The following LRRTM4 variants were observed in gnomAD, a reference collection of about 807,000 sequenced individuals.
The protein encoded by LRRTM4 is leucine rich repeat transmembrane neuronal 4.
A neutral mutation model predicts 47.6 loss-of-function variants in LRRTM4; 25 were observed. The observed-to-expected ratio is 0.53, with a 90% confidence interval of 0.38 to 0.73. The LOEUF is 0.73. LRRTM4 is among the 30% of genes least tolerant of loss of function. The pLI is 0.00. For synonymous variants in LRRTM4, 311 were observed against 269.5 expected (o/e 1.15, Z -1.51); for missense variants, 638 against 713.4 (o/e 0.89, Z 1.20).
intron 3 of LRRTM4, among the ~76,000 whole-genome samples, chr2:76,796,175 G>C (rs1237628174): frequency 6.9e-6 from 1 of 143,898 alleles, no homozygotes; most frequent in Middle Eastern, 3.7e-3. Flanking sequence ...TACGCCCACA[G>C]AGCCTCGCTG....
chr2:76,786,795 A>T (rs1430799142), intron 3 of LRRTM4, among the ~76,000 whole-genome samples: 1 of 152,168 alleles, frequency 6.6e-6, no homozygotes, highest in Non-Finnish European at 1.5e-5. Context: ...ACAAACCAAA[A>T]ATAGTTCATT....
intron 3 of LRRTM4, among the ~76,000 whole-genome samples, chr2:77,186,241 T>C (rs1673502467): frequency 6.6e-6 from 1 of 152,202 alleles, no homozygotes; most frequent in African/African-American, 2.4e-5. Flanking sequence ...TGCTCTTTGA[T>C]GCCATTTATT....
chr2:77,469,900 T>C (rs922670341), intron 3 of LRRTM4, among the ~76,000 whole-genome samples: 1 of 152,186 alleles, frequency 6.6e-6, no homozygotes, highest in African/African-American at 2.4e-5. Flanking sequence ...GTCTCCATTT[T>C]TAAGTGATTA....
intron 3 of LRRTM4, among the ~76,000 whole-genome samples, chr2:77,499,774 A>T (rs1174921470): frequency 6.6e-6 from 1 of 151,864 alleles, no homozygotes; most frequent in Admixed American, 6.6e-5. Flanking sequence ...ATCTTTATTT[A>T]TATATGTTGC....
intron 3 of LRRTM4, among the ~76,000 whole-genome samples, chr2:77,072,234 A>G (rs1680178809): frequency 6.6e-6 from 1 of 152,176 alleles, no homozygotes; most frequent in Non-Finnish European, 1.5e-5. Flanking sequence ...GAAAAATTAA[A>G]TCAACTAATT....
At chr2:76,955,587 A>C (rs1358498197) in intron 3 of LRRTM4, among the ~76,000 whole-genome samples, 1 of 151,860 alleles carries the variant, frequency 6.6e-6, no homozygotes, top group Non-Finnish European at 1.5e-5. Context: ...TGTTCTTCTT[A>C]AATTCATATG....
chr2:77,451,313 T>G (rs531266293), intron 3 of LRRTM4, among the ~76,000 whole-genome samples: 1 of 152,332 alleles, frequency 6.6e-6, no homozygotes, highest in East Asian at 1.9e-4. Context: ...CCACATCACC[T>G]AATCCTGCTC....
chr2:77,083,996 G>A (rs555464270), intron 3 of LRRTM4, among the ~76,000 whole-genome samples: 2 of 150,962 alleles, frequency 1.3e-5, no homozygotes, highest in African/African-American at 4.9e-5. Context: ...TAGTAGAGAC[G>A]GGGTTTCACC....
chr2:77,207,639 T>C lies in LRRTM4; in HGVS notation c.1551+310679A>G, dbSNP rs141229682. Among the ~76,000 whole-genome samples, 772 of 151,798 alleles carry C rather than the reference T, an allele frequency of 5.1e-3. 8 individuals carry two copies. The highest frequency in any genetic ancestry group is 0.018 in the African/African-American group (747 of 41,468). ...CTTGATGTCTCGTTATGCTACCACC[T>C]TTAAATGCCTATAACAATCACTGAC... On this transcript the variant is annotated intron_variant, in intron 3 of 3. Transcript: ENST00000409884.
chr2:76,857,881 T>G (rs2103996893), intron 3 of LRRTM4, among the ~76,000 whole-genome samples: 1 of 152,272 alleles, frequency 6.6e-6, no homozygotes, highest in African/African-American at 2.4e-5. Flanking sequence ...AAATACTTAC[T>G]TTTAAGAATA....
chr2:77,093,477 C>G (rs1215595908), intron 3 of LRRTM4, among the ~76,000 whole-genome samples: 8 of 151,240 alleles, frequency 5.3e-5, no homozygotes, highest in Admixed American at 4.6e-4. Context: ...AATATCACCC[C>G]TTACACAAGA....
At chr2:76,854,847 G>A (rs1321406008) in intron 3 of LRRTM4, among the ~76,000 whole-genome samples, 5 of 146,868 alleles carry the variant, frequency 3.4e-5, no homozygotes, top group African/African-American at 7.6e-5. Flanking sequence ...AATTCTATAA[G>A]GGCGAGAAAG....
At chr2:77,034,545 G>A (rs1362071296) in intron 3 of LRRTM4, among the ~76,000 whole-genome samples, 1 of 151,852 alleles carries the variant, frequency 6.6e-6, no homozygotes, top group African/African-American at 2.4e-5. Flanking sequence ...ATGGGTGGAA[G>A]CTCTGGGGAA....
intron 3 of LRRTM4, among the ~76,000 whole-genome samples, chr2:77,021,701 A>G (rs1216174606): frequency 1.3e-5 from 2 of 152,194 alleles, no homozygotes; most frequent in Non-Finnish European, 2.9e-5. Flanking sequence ...TTAGCAAAAG[A>G]AAGTTTCAAT....
At chr2:76,799,538 G>A (rs1294840321) in intron 3 of LRRTM4, among the ~76,000 whole-genome samples, 2 of 143,446 alleles carry the variant, frequency 1.4e-5, no homozygotes, top group Non-Finnish European at 3.1e-5. Flanking sequence ...TTGAAAACTG[G>A]CACAAGACAG....
intron 3 of LRRTM4, among the ~76,000 whole-genome samples, chr2:76,786,006 C>G (rs1674651737): frequency 6.6e-6 from 1 of 152,126 alleles, no homozygotes; most frequent in Non-Finnish European, 1.5e-5. Context: ...TCAATGATAC[C>G]TAGCTGCTCC....
At chr2:77,244,398 C>A (rs1207926966) in intron 3 of LRRTM4, among the ~76,000 whole-genome samples, 1 of 151,840 alleles carries the variant, frequency 6.6e-6, no homozygotes, top group Non-Finnish European at 1.5e-5. Context: ...CAGTGTAAAG[C>A]ATTCATATTA....
intron 3 of LRRTM4, among the ~76,000 whole-genome samples, chr2:76,807,411 T>TATATATACACACACAC (rs1558667279): frequency 4.6e-5 from 4 of 86,046 alleles, no homozygotes; most frequent in South Asian, 4.6e-4. Flanking sequence ...TATATACGTA[T>TATATATACACACACAC]ATATATATAT....
At chr2:76,772,424 G>A (rs1673752181) in intron 3 of LRRTM4, among the ~76,000 whole-genome samples, 1 of 152,138 alleles carries the variant, frequency 6.6e-6, no homozygotes, top group African/African-American at 2.4e-5. Context: ...AAAGAGAATA[G>A]GAAACTGAGC....
Sources: allele counts gnomAD v4.1 joint callset (sites outside exome capture counted in the v4.1 genomes callset), GRCh38; gene constraint gnomAD v4.1.1; transcripts MANE v1.5; gene names NCBI Gene and HGNC (gene_info 2026-07-23, HGNC 2026-07-21).